Variants in TRIM37 observed in about 807,000 individuals in gnomAD.
TRIM37 encodes the protein tripartite motif containing 37.
A neutral mutation model predicts 129.8 loss-of-function variants in TRIM37; 80 were observed. The observed-to-expected ratio is 0.62, with a 90% CI of 0.51 to 0.74. The LOEUF (loss-of-function observed/expected upper bound fraction) is 0.74, where lower values mean the gene tolerates loss of function less well. Ranked by LOEUF, TRIM37 falls within the 30% of genes least tolerant of loss-of-function variation. TRIM37 has a pLI of 0.00. For missense variants in TRIM37, 1,054 were observed against 1,176.5 expected (o/e 0.90, Z 1.52); for synonymous variants, 389 against 387.1 (o/e 1.00, Z -0.06).
intron 8 of TRIM37, 44 bp from the exon 9 acceptor site, chr17:59,070,991 C>T: frequency 1.2e-6 from 2 of 1,608,372 alleles, no homozygotes; most frequent in Non-Finnish European, 1.7e-6. Context: ...AATTACTATT[C>T]ACTGCCACCT....
intron 12 of TRIM37, among the ~76,000 whole-genome samples, chr17:59,060,145 A>C (rs962179251): frequency 6.6e-6 from 1 of 152,132 alleles, no homozygotes; most frequent in African/African-American, 2.4e-5. Context: ...TCTCAGCACT[A>C]TCCCCTCAAC....
At chr17:59,052,709 C>T (rs902813595) in intron 13 of TRIM37, among the ~76,000 whole-genome samples, 1 of 152,060 alleles carries the variant, frequency 6.6e-6, no homozygotes, top group Admixed American at 6.6e-5. Flanking sequence ...AATCTTAGCA[C>T]TTTGGGAGGC....
At chr17:59,075,285 C>A (rs1004411459) in intron 8 of TRIM37, among the ~76,000 whole-genome samples, 2 of 151,958 alleles carry the variant, frequency 1.3e-5, no homozygotes, top group Non-Finnish European at 2.9e-5. Flanking sequence ...CAGAGAAGGC[C>A]GGGCACGGTG....
chr17:58,995,515 A>T (rs2032903444), downstream of TRIM37, among the ~76,000 whole-genome samples: 1 of 152,186 alleles, frequency 6.6e-6, no homozygotes, highest in Non-Finnish European at 1.5e-5. Flanking sequence ...TATTAACAGT[A>T]TTGAGTCATA....
chr17:59,054,083 C>G (rs1463540088), intron 13 of TRIM37, among the ~76,000 whole-genome samples: 2 of 152,114 alleles, frequency 1.3e-5, no homozygotes, highest in African/African-American at 4.8e-5. Flanking sequence ...CCAGTATGCT[C>G]AAGAACAAAG....
intron 17 of TRIM37, among the ~76,000 whole-genome samples, chr17:59,037,557 CAAAAAAAAAAAAAA>C (rs58856834): frequency 2.3e-4 from 17 of 73,998 alleles, no homozygotes; most frequent in Admixed American, 8.9e-4. Context: ...GACTCTGTCT[CAAAAAAAAAAAAAA>C]AAAAAAAAAA....
the TRIM37 span, among the ~76,000 whole-genome samples, chr17:58,973,643 T>TAAAAAA: frequency 6.7e-6 from 1 of 149,314 alleles, no homozygotes; most frequent in South Asian, 2.1e-4. Flanking sequence ...CTTCATCTCT[T>TAAAAAA]AAAAAAACAA....
At chr17:58,993,561 G>A (rs756224793), downstream of TRIM37, among the ~76,000 whole-genome samples, 19 of 152,180 alleles carry the variant, frequency 1.2e-4, no homozygotes, top group African/African-American at 4.3e-4. Flanking sequence ...CATGACTCTG[G>A]AAAAGCAAAA....
intron 16 of TRIM37, among the ~76,000 whole-genome samples, chr17:59,043,880 A>G (rs745963413): frequency 1.3e-5 from 2 of 152,242 alleles, no homozygotes; most frequent in African/African-American, 2.4e-5. Context: ...TATGGGGAGA[A>G]GCAGAGACAC....
intron 8 of TRIM37, among the ~76,000 whole-genome samples, chr17:59,071,283 CTT>C (rs962225941): frequency 1.2e-4 from 14 of 121,310 alleles, no homozygotes; most frequent in Non-Finnish European, 1.2e-4. Flanking sequence ...AAGTTGAAAG[CTT>C]TTTTTTTTTT....
chr17:59,073,508 G>T (rs1429459112), intron 8 of TRIM37, among the ~76,000 whole-genome samples: 1 of 152,066 alleles, frequency 6.6e-6, no homozygotes, highest in Admixed American at 6.6e-5. Context: ...TGCCCAGGCT[G>T]GTCTTGAACT....
intron 11 of TRIM37, among the ~76,000 whole-genome samples, chr17:59,061,605 A>G (rs1165645276): frequency 1.3e-5 from 2 of 152,064 alleles, no homozygotes; most frequent in Non-Finnish European, 2.9e-5. Context: ...TCTACTATAG[A>G]TTTTATTTTT....
intron 2 of TRIM37, among the ~76,000 whole-genome samples, chr17:59,091,574 T>TGTATAATGTATA (rs1568231000): frequency 1.9e-4 from 4 of 20,796 alleles, no homozygotes; most frequent in African/African-American, 1.1e-3. Context: ...ATATAATATA[T>TGTATAATGTATA]ATAATGTATA....
At chr17:58,970,921 T>C in the TRIM37 span, among the ~76,000 whole-genome samples, 1 of 152,108 alleles carries the variant, frequency 6.6e-6, no homozygotes, top group Non-Finnish European at 1.5e-5. Flanking sequence ...GTCTTCTTCA[T>C]CCTCTATTCT....
At chr17:59,058,163 A>C (rs1202716533) in intron 12 of TRIM37, among the ~76,000 whole-genome samples, 1 of 152,258 alleles carries the variant, frequency 6.6e-6, no homozygotes, top group Non-Finnish European at 1.5e-5. Context: ...ATCAAAGGCT[A>C]TAAAATTTCC....
intron 3 of TRIM37, among the ~76,000 whole-genome samples, chr17:59,089,376 C>T (rs978056051): frequency 1.3e-5 from 2 of 152,218 alleles, no homozygotes; most frequent in Non-Finnish European, 2.9e-5. Flanking sequence ...GGTGCAGTGG[C>T]TCACACCTGT....
intron 7 of TRIM37, among the ~76,000 whole-genome samples, chr17:59,077,754 G>A (rs1159577205): frequency 2.1e-5 from 3 of 141,392 alleles, no homozygotes; most frequent in Non-Finnish European, 4.5e-5. Flanking sequence ...AGGTTGCAGT[G>A]AGCCAAGATC....
In TRIM37 at chr17:59,028,423, A is replaced by G. The variant is rs530814108; in HGVS notation, c.2249T>C (p.Ile750Thr). ...LAKSSVANCY[I>T]RNSTNKKSNS... ...GGGAACATATTACTTACAGTTTCGT[A>G]TGTAACAATTGGCAACTGATGACTT... Residue 750 changes from isoleucine (I) to threonine (T), a missense_variant, in exon 19 of 24, where the codon ATA becomes ACA. Around this residue, in one of 3 missense-constraint regions of TRIM37, gnomAD observed 287 missense variants for 274.3 expected, o/e 1.05. Transcript: ENST00000262294. The G allele has an allele frequency of 4.2e-5, 68 of 1,612,358 alleles. No homozygotes were observed. The South Asian group carries it at 7.0e-4, about 17-fold the overall frequency.
chr17:58,999,402 T>C lies in TRIM37; in HGVS notation c.2870A>G (p.Asn957Ser), dbSNP rs758697503. 2.9e-5 allele frequency: 46 copies of C among 1,613,820 alleles called. No homozygotes were observed. The highest frequency in any genetic ancestry group is 2.4e-4 in the African/African-American group (18 of 74,900). ...EQIGPEDLSF[N>S]TDENSGR is the part of the protein sequence containing the mutation. ...TTACCTTCCACTATTTTCATCTGTA[T>C]TGAAGCTGAGATCTTCAGGGCCTAT... is the stretch of plus-strand genomic sequence containing the variant. Residue 957 changes from asparagine to serine, a missense_variant, in exon 24 of 24, where the codon AAT becomes AGT. Around this residue, in one of 3 missense-constraint regions of TRIM37, gnomAD observed 287 missense variants for 274.3 expected, o/e 1.05. Coordinates refer to ENST00000262294, the MANE Select transcript of TRIM37 (RefSeq NM_015294.6).
Sources: gnomAD v4.1 joint callset for allele counts (sites outside exome capture counted in the v4.1 genomes callset) on GRCh38, gnomAD v4.1.1 for gene constraint, gnomAD v4.1.1 regional missense constraint, MANE v1.5 for transcripts, NCBI Gene and HGNC (gene_info 2026-07-23, HGNC 2026-07-21) for gene names.